CYP11B2: variants seen among roughly 807,000 people sequenced by gnomAD.
CYP11B2 encodes cytochrome P450 family 11 subfamily B member 2.
Under a neutral mutation model 49.3 loss-of-function variants are expected in CYP11B2, and 38 were observed. The ratio of observed to expected loss-of-function variants is 0.77; its 90% confidence interval spans 0.59 to 1.01. The LOEUF is 1.01. Ranked by LOEUF, CYP11B2 falls within the 50% of genes least tolerant of loss-of-function variation. The probability of loss-of-function intolerance (pLI) is 0.00; values close to 1 mark genes in which losing one functional copy is unlikely to be tolerated. For synonymous variants in CYP11B2, 290 were observed against 269.3 expected (o/e 1.08, Z -0.75); for missense variants, 669 against 655.5 (o/e 1.02, Z -0.23).
At position 142,917,630 on chromosome 8, in the gene CYP11B2, T is replaced by C; in HGVS notation, c.211A>G (p.Thr71Ala). ...YEHLHLEMHQ[T>A]FQELGPIFRY... ...AAAATGGGCCCCAGCTCCTGGAAGG[T>C]CTGGTGCATCTCCAGGTGCAGGTGC... The change falls in exon 1 of 9, where the codon ACC becomes GCC. Residue 71 changes from threonine to alanine, a missense_variant. Physicochemically the swap from Thr to Ala is moderately conservative, Grantham distance 58. Coordinates refer to ENST00000323110, the MANE Select transcript of CYP11B2 (RefSeq NM_000498.3). 1 of 1,614,160 alleles carries C rather than the reference T, an allele frequency of 6.2e-7. No individual in the cohort carries two copies. Among genetic ancestry groups the C allele is most frequent in the Non-Finnish European group, 8.5e-7 (1 of 1,180,026 alleles).
Position 142,912,804 on chromosome 8 carries a change from C to T in CYP11B2, c.1200+3G>A, listed in dbSNP as rs546653056. ...CAGCTCGAGGGGTGTGGGGCTCACTCACCCCAGCTGGGATGTGGTAGTTCT... is the reference window on the plus strand; with the variant it reads ...CAGCTCGAGGGGTGTGGGGCTCACTTACCCCAGCTGGGATGTGGTAGTTCT... On this transcript the variant is annotated splice_donor_region_variant and intron_variant, in intron 7 of 8. Transcript: ENST00000323110. The T allele has an allele frequency of 2.5e-6, 4 of 1,613,812 alleles. No homozygotes were observed. Among genetic ancestry groups the T allele is most frequent in the Admixed American group, 1.7e-5 (1 of 60,008 alleles).
At position 142,914,255 on chromosome 8, in the gene CYP11B2, T is replaced by C. The variant is rs201977505; in HGVS notation, c.954+9A>G. 100 of 1,614,062 alleles carry C rather than the reference T, an allele frequency of 6.2e-5. No homozygotes were observed. The highest frequency in any genetic ancestry group is 5.6e-4 in the African/African-American group (42 of 75,062). Reference sequence around the variant, plus strand: ...ACCCTCTCTGGGTGGGGCTGGTTGCTGGCCTGACCGTGTCCACGCTCCCTG... The same window carrying C: ...ACCCTCTCTGGGTGGGGCTGGTTGCCGGCCTGACCGTGTCCACGCTCCCTG... On this transcript the variant is annotated intron_variant, in intron 5 of 8. Transcript: ENST00000323110.
chr8:142,913,815 C>T, intron 5 of CYP11B2: 1 of 446,140 alleles, frequency 2.2e-6, no homozygotes, highest in South Asian at 1.9e-5. Flanking sequence ...CCCCTCTGCA[C>T]TGGCTGGAGC....
At position 142,917,593 on chromosome 8, in the gene CYP11B2, G is replaced by A. The variant is rs2130336220; in HGVS notation, c.239+9C>T. The A allele has an allele frequency of 6.2e-7, 1 of 1,614,192 alleles. No homozygotes were observed. The stretch of plus-strand genomic sequence containing the variant: ...GGGTGTTCCCAGCGAGGGCCAGGGA[G>A]GGCTTTACCTGAAAATGGGCCCCAG... On this transcript the variant is annotated intron_variant, in intron 1 of 8. Coordinates refer to ENST00000323110, the MANE Select transcript of CYP11B2 (RefSeq NM_000498.3).
chr8:142,916,332 C>G, intron 2 of CYP11B2: 1 of 445,882 alleles, frequency 2.2e-6, no homozygotes, highest in Non-Finnish European at 4.5e-6. Context: ...AATAGCGTTC[C>G]CTTCCTACCA....
In CYP11B2 at chr8:142,914,246, G is replaced by T; in HGVS notation, c.954+18C>A. The T allele has an allele frequency of 1.2e-6, 2 of 1,613,988 alleles. No individual in the cohort carries two copies. The highest frequency in any genetic ancestry group is 4.5e-5 in the East Asian group (2 of 44,874). On this transcript the variant is annotated intron_variant, in intron 5 of 8. Transcript: ENST00000323110. Reference sequence around the variant, plus strand: ...CTTGGCATCACCCTCTCTGGGTGGGGCTGGTTGCTGGCCTGACCGTGTCCA... The same window carrying T: ...CTTGGCATCACCCTCTCTGGGTGGGTCTGGTTGCTGGCCTGACCGTGTCCA...
chr8:142,914,202 G>A (rs1817594178), intron 5 of CYP11B2, 62 bp downstream of exon 5: 2 of 1,593,112 alleles, frequency 1.3e-6, no homozygotes, highest in African/African-American at 1.3e-5. Context: ...GCATTGGCAG[G>A]CAGTGCCTGG....
intron 2 of CYP11B2, among the ~76,000 whole-genome samples, chr8:142,915,853 CCT>C (rs1387407954): frequency 2.6e-5 from 4 of 152,124 alleles, no homozygotes; most frequent in Non-Finnish European, 4.4e-5. Flanking sequence ...AGGAATTTCC[CCT>C]GTCAGCCACA....
rs146765393 is a variant in CYP11B2 at position 142,911,984 on chromosome 8, T to C, written c.1508A>G (p.Asn503Ser). ...ACCCTGGGTGCAGATGCAAGACTAG[T>C]TAATCGCTCTGAAAGTGAGGAGGGG... ...TSPLLTFRAIN is the reference protein window; with the variant it reads ...TSPLLTFRAIS Residue 503 changes from asparagine (N) to serine (S), a missense_variant, in exon 9 of 9, where the codon AAC becomes AGC. Asn to Ser is a conservative substitution (Grantham distance 46). Coordinates refer to ENST00000323110, the MANE Select transcript of CYP11B2 (RefSeq NM_000498.3). The C allele has an allele frequency of 6.2e-7, 1 of 1,613,898 alleles. No individual in the cohort carries two copies. Among genetic ancestry groups the C allele is most frequent in the Non-Finnish European group, 8.5e-7 (1 of 1,179,894 alleles).
In CYP11B2 at chr8:142,917,068, A is replaced by G; in HGVS notation, c.386T>C (p.Val129Ala). 6.2e-7 allele frequency: 1 copy of G among 1,614,092 alleles called. No individual in the cohort carries two copies. The highest frequency in any genetic ancestry group is 8.5e-7 in the Non-Finnish European group (1 of 1,180,024). The part of the protein sequence containing the change: ...YRQHRGHKCG[V>A]FLLNGPEWRF... ...CCAACTCGCCGCTTACAACAAGAAC[A>G]CGCCACATTTGTGCCCACGATGTTG... The change falls in exon 2 of 9, where the codon GTG (valine) becomes GCG (alanine). Residue 129 changes from valine to alanine, a missense_variant. Transcript: ENST00000323110.
intron 2 of CYP11B2, among the ~76,000 whole-genome samples, chr8:142,916,120 C>T (rs568270439): frequency 6.6e-6 from 1 of 152,114 alleles, no homozygotes; most frequent in Admixed American, 6.5e-5. Context: ...TGTGCAAATG[C>T]AGGTACAGAG....
chr8:142,914,851 G>A lies in CYP11B2; in HGVS notation c.653C>T (p.Ser218Phe), dbSNP rs753710760. The A allele has an allele frequency of 1.2e-6, 2 of 1,613,794 alleles. No homozygotes were observed. The highest frequency in any genetic ancestry group is 1.7e-6 in the Non-Finnish European group (2 of 1,180,010). Reference sequence around the variant, plus strand: ...GGCATGGAGGAAGTTCAGGCTGGCAGAACTGGGGCTGTGGCCAACCAGGCC... The same window carrying A: ...GGCATGGAGGAAGTTCAGGCTGGCAAAACTGGGGCTGTGGCCAACCAGGCC... ...RLGLVGHSPS[S>F]ASLNFLHALE... Residue 218 changes from serine to phenylalanine, a missense_variant, in exon 4 of 9, where the codon TCT becomes TTT. Transcript: ENST00000323110.
In CYP11B2 at chr8:142,917,194, C is replaced by G; in HGVS notation, c.260G>C (p.Arg87Pro). The G allele has an allele frequency of 2.5e-6, 4 of 1,614,128 alleles. No individual in the cohort carries two copies. Among genetic ancestry groups the G allele is most frequent in the Non-Finnish European group, 2.5e-6 (3 of 1,180,018 alleles). Residue 87 changes from arginine to proline, a missense_variant, in exon 2 of 9, where the codon CGC becomes CCC. Arg to Pro is a moderately radical substitution (Grantham distance 103, BLOSUM62 -2). Coordinates refer to ENST00000323110, the MANE Select transcript of CYP11B2 (RefSeq NM_000498.3). ...PIFRYNLGGP[R>P]MVCVMLPEDV... Reference sequence around the variant, plus strand: ...CTCCGGCAGCATCACACACACCATGCGTGGTCCTCCCAAGTTGTACCTGTG... The same window carrying G: ...CTCCGGCAGCATCACACACACCATGGGTGGTCCTCCCAAGTTGTACCTGTG...
rs889759894 is a variant in CYP11B2, at chr8:142,910,812, C to T, written c.*1168G>A. The stretch of plus-strand genomic sequence containing the variant: ...TGGAATGATTACCTAAGTATTTCCC[C>T]TTTCATGGGGGAACAAACGCTCTGA... On this transcript the variant is annotated 3_prime_UTR_variant, in exon 9 of 9. Coordinates refer to ENST00000323110, the MANE Select transcript of CYP11B2 (RefSeq NM_000498.3). This position sits in a 1 kb window ranked among gnomAD's most constrained non-coding sequence, Gnocchi z 4.6. The T allele has an allele frequency of 6.6e-6, 1 of 152,198 alleles. No homozygotes were observed. The highest frequency in any genetic ancestry group is 1.5e-5 in the Non-Finnish European group (1 of 68,046). 9.4% of individuals were successfully genotyped at this position (152,198 alleles called of 1,614,324 possible).
chr8:142,917,544 C>T, intron 1 of CYP11B2, 58 bp downstream of exon 1: 8 of 1,613,730 alleles, frequency 5.0e-6, no homozygotes, highest in Non-Finnish European at 6.8e-6. Context: ...CTGGCAGGGT[C>T]CTGGGCAGCA....
rs1563882015 is a variant in CYP11B2 at position 142,917,041 on chromosome 8, T to C, written c.395+18A>G. The C allele has an allele frequency of 9.9e-6, 16 of 1,613,670 alleles. No individual in the cohort carries two copies. The highest frequency in any genetic ancestry group is 8.5e-7 in the Non-Finnish European group (1 of 1,179,848). ...GCCCACCCTGCTCCCAGCTCTCAGC[T>C]CCCAACTCGCCGCTTACAACAAGAA... On this transcript the variant is annotated intron_variant, in intron 2 of 8. Transcript: ENST00000323110.
At chr8:142,914,122 A>C (rs1326991612) in intron 5 of CYP11B2, 142 bp downstream of exon 5, 1 of 919,084 alleles carries the variant, frequency 1.1e-6, no homozygotes, top group Non-Finnish European at 1.8e-6. Context: ...TTAACAAAGG[A>C]GGGGGAAGGC....
At chr8:142,914,082 A>G (rs760242019) in intron 5 of CYP11B2, 182 bp downstream of exon 5, 10 of 737,290 alleles carry the variant, frequency 1.4e-5, no homozygotes, top group Non-Finnish European at 2.4e-5. Flanking sequence ...GGGGGAGCTC[A>G]CATTTCCCCT....
intron 8 of CYP11B2, 134 bp downstream of exon 8, chr8:142,912,396 G>A: frequency 9.6e-7 from 1 of 1,038,624 alleles, no homozygotes; most frequent in Non-Finnish European, 1.4e-6. Context: ...ATCCTCCCTG[G>A]TCACGCCGAC....
Sources: allele counts gnomAD v4.1 joint callset (sites outside exome capture counted in the v4.1 genomes callset), GRCh38; gene constraint gnomAD v4.1.1; non-coding constraint Gnocchi (gnomAD v3.1); transcripts MANE v1.5; gene names NCBI Gene and HGNC (gene_info 2026-07-23, HGNC 2026-07-21).